The following TMIGD3 variants were observed in gnomAD, a reference collection of about 807,000 sequenced individuals.
TMIGD3 encodes the protein AD026 protein (AD026).
In TMIGD3, 21 loss-of-function variants were observed where a neutral mutation model predicts 28.1. The ratio of observed to expected loss-of-function variants is 0.75; its 90% CI spans 0.53 to 1.08. The LOEUF (loss-of-function observed/expected upper bound fraction) is 1.08. TMIGD3 is among the 50% of genes least tolerant of loss of function. The pLI is 0.00. For synonymous variants in TMIGD3, 151 were observed against 162.1 expected, an observed-to-expected ratio of 0.93 and a Z score of 0.52; for missense variants, 416 against 435.6, an observed-to-expected ratio of 0.96 and a Z score of 0.40.
intron 1 of TMIGD3, among the ~76,000 whole-genome samples, chr1:111,553,146 T>C (rs1042906676): frequency 6.6e-6 from 1 of 152,252 alleles, no homozygotes; most frequent in African/African-American, 2.4e-5. Flanking sequence ...GAGGCACAGA[T>C]GGCCTTATTT....
chr1:111,510,631 C>A (rs951101990), intron 1 of TMIGD3, among the ~76,000 whole-genome samples: 3 of 152,080 alleles, frequency 2.0e-5, no homozygotes, highest in Admixed American at 2.0e-4. Flanking sequence ...CCATATCATT[C>A]CTTGGCTACC....
intron 1 of TMIGD3, among the ~76,000 whole-genome samples, chr1:111,531,448 T>C (rs1656456801): frequency 6.6e-6 from 1 of 152,208 alleles, no homozygotes; most frequent in Non-Finnish European, 1.5e-5. Flanking sequence ...TTCATTCAGG[T>C]CTATTTTTAT....
chr1:111,545,627 A>G (rs1657008222), intron 1 of TMIGD3, among the ~76,000 whole-genome samples: 1 of 151,996 alleles, frequency 6.6e-6, no homozygotes, highest in South Asian at 2.1e-4. Context: ...TTTAATTTTG[A>G]TGAAGTCCAA....
At chr1:111,489,099 C>A (rs1654531627) in intron 2 of TMIGD3, 75 bp from the exon 3 acceptor site, 2 of 1,373,888 alleles carry the variant, frequency 1.5e-6, no homozygotes, top group East Asian at 4.6e-5. Flanking sequence ...GCAGCTCCTG[C>A]CCTCCTGAAG....
At chr1:111,495,470 C>T (rs1297981199) in intron 1 of TMIGD3, among the ~76,000 whole-genome samples, 1 of 152,100 alleles carries the variant, frequency 6.6e-6, no homozygotes, top group African/African-American at 2.4e-5. Flanking sequence ...ATAAGAGATA[C>T]CAGTGAAGCT....
intron 1 of TMIGD3, among the ~76,000 whole-genome samples, chr1:111,532,228 A>C (rs1278731861): frequency 6.6e-6 from 1 of 151,692 alleles, no homozygotes; most frequent in Non-Finnish European, 1.5e-5. Context: ...TCTGGGTACA[A>C]CTCTCTCCTG....
chr1:111,508,344 A>G (rs80161576), upstream of TMIGD3, among the ~76,000 whole-genome samples: 7 of 152,332 alleles, frequency 4.6e-5, no homozygotes, highest in East Asian at 9.7e-4. Context: ...TGTCTGAAAG[A>G]GTGACTCCTG....
At chr1:111,515,662 C>A (rs1655836734) in intron 1 of TMIGD3, among the ~76,000 whole-genome samples, 1 of 152,214 alleles carries the variant, frequency 6.6e-6, no homozygotes, top group Admixed American at 6.5e-5. Context: ...CCAGGAGCAG[C>A]GCTGAGGGGG....
At chr1:111,492,417 A>G (rs1654706798) in intron 1 of TMIGD3, among the ~76,000 whole-genome samples, 2 of 152,212 alleles carry the variant, frequency 1.3e-5, no homozygotes, top group Admixed American at 6.5e-5. Flanking sequence ...TTCATGCAAA[A>G]CAAACACACT....
At chr1:111,551,312 C>G (rs1414718472) in intron 1 of TMIGD3, among the ~76,000 whole-genome samples, 1 of 152,054 alleles carries the variant, frequency 6.6e-6, no homozygotes, top group East Asian at 1.9e-4. Context: ...CTTTTTTGCA[C>G]CTCAGTTCCT....
intron 1 of TMIGD3, among the ~76,000 whole-genome samples, chr1:111,525,820 C>T (rs1267917789): frequency 1.3e-5 from 2 of 152,150 alleles, no homozygotes; most frequent in Admixed American, 6.5e-5. Flanking sequence ...GCCAAGACTG[C>T]ACCACTGCAC....
intron 1 of TMIGD3, among the ~76,000 whole-genome samples, chr1:111,547,865 T>C (rs1228973062): frequency 6.6e-6 from 1 of 152,228 alleles, no homozygotes; most frequent in Non-Finnish European, 1.5e-5. Flanking sequence ...TCTAACTCTC[T>C]TAAAACACTC....
chr1:111,515,320 C>A (rs1655822424), intron 1 of TMIGD3, among the ~76,000 whole-genome samples: 1 of 152,166 alleles, frequency 6.6e-6, no homozygotes, highest in Non-Finnish European at 1.5e-5. Context: ...AACCAGAACT[C>A]CCACCTACTA....
At chr1:111,486,524 C>T (rs1654381507) in intron 4 of TMIGD3, 62 bp downstream of exon 4, 1 of 1,263,324 alleles carries the variant, frequency 7.9e-7, no homozygotes, top group Non-Finnish European at 1.2e-6. Context: ...ACTGCTGCCA[C>T]CCCAGCCCCT....
Position 111,539,637 on chromosome 1 carries a change from T to C in TMIGD3, c.107+24209A>G, listed in dbSNP as rs374451477. ...ACCACAATTAAAAAACACAAGGAAC[T>C]ACAGAAAAAGCAAGGAAGCTACTCA... On this transcript the variant is annotated intron_variant, in intron 1 of 5. Transcript: ENST00000369717. Among the ~76,000 whole-genome samples, 9 of 152,098 alleles carry C rather than the reference T, an allele frequency of 5.9e-5. No individual in the cohort carries two copies. The East Asian group carries it at 1.5e-3, about 26-fold the overall frequency.
rs76290717 is a variant in TMIGD3, at chr1:111,485,356, G to T, written c.973+384C>A. The T allele has an allele frequency of 5.6e-3, 954 of 169,456 alleles. 12 individuals are homozygous for T. Among genetic ancestry groups the T allele is most frequent in the African/African-American group, 0.019 (810 of 42,130 alleles). 10.5% of individuals were successfully genotyped at this position (169,456 alleles called of 1,614,324 possible). A position where few individuals can be genotyped will look rare whatever the true frequency, so the allele number is the denominator to read the frequency against. On this transcript the variant is annotated intron_variant, in intron 5 of 5. Transcript: ENST00000369716. The stretch of plus-strand genomic sequence containing the variant: ...AGCCTGGGCAACAGGGCAACATCCT[G>T]TGTATATGAAAAAGGAGACTCTTCT...
At chr1:111,504,600 C>T (rs545985360), upstream of TMIGD3, among the ~76,000 whole-genome samples, 2 of 152,334 alleles carry the variant, frequency 1.3e-5, no homozygotes, top group Middle Eastern at 6.8e-3. Flanking sequence ...ACACTTGGAC[C>T]CAAACCCACA....
At chr1:111,501,776 A>C (rs1006363170) in intron 1 of TMIGD3, among the ~76,000 whole-genome samples, 1 of 151,938 alleles carries the variant, frequency 6.6e-6, no homozygotes, top group Non-Finnish European at 1.5e-5. Flanking sequence ...CTAATCTGGG[A>C]TTTGAACCTA....
rs368791723 is a variant in TMIGD3 at position 111,529,651 on chromosome 1, T to C, written c.107+34195A>G. On this transcript the variant is annotated intron_variant, in intron 1 of 5. Coordinates refer to the TMIGD3 transcript ENST00000369717. ...CTTAATCCATTCAACCCTGAGTGGA[T>C]ACAGCACATGTTTCAGAGAGCACAG... is the stretch of plus-strand genomic sequence containing the variant. Among the ~76,000 whole-genome samples the C allele has an allele frequency of 3.5e-4, 53 of 151,050 alleles. No homozygotes were observed. In the South Asian group the frequency reaches 9.7e-3, roughly 28 times the overall value.
Sources: allele counts gnomAD v4.1 joint callset (sites outside exome capture counted in the v4.1 genomes callset), GRCh38; gene constraint gnomAD v4.1.1; transcripts MANE v1.5; gene names NCBI Gene and HGNC (gene_info 2026-07-23, HGNC 2026-07-21).